Variants in HECTD4 observed in about 807,000 individuals in gnomAD.
HECTD4 encodes the protein probable E3 ubiquitin-protein ligase HECTD4.
HECTD4 carries 114 observed loss-of-function variants against 471.5 expected under a neutral mutation model. That is an observed-to-expected ratio of 0.24 (90% confidence interval 0.21 to 0.28). The LOEUF is 0.28. Ranked by LOEUF, HECTD4 falls within the 10% of genes least tolerant of loss-of-function variation. HECTD4 has a pLI of 1.00. For missense variants in HECTD4, 3,866 were observed against 5,651.5 expected (o/e 0.68, Z 10.13); for synonymous variants, 2,012 against 2,256.0 (o/e 0.89, Z 3.07).
chr12:112,224,024 T>G (rs1217453414), intron 44 of HECTD4, among the ~76,000 whole-genome samples: 1 of 152,154 alleles, frequency 6.6e-6, no homozygotes, highest in African/African-American at 2.4e-5. Flanking sequence ...GAAAATCAAA[T>G]AACTCTGTCT....
At position 112,179,690 on chromosome 12, in the gene HECTD4, G is replaced by A. The variant is rs1285232785; in HGVS notation, c.10988-293C>T. ...CCTACCTGGTTGCTCGGGGACGACA[G>A]GCCCCTCCCCGAGGGTGGGCACACC... On this transcript the variant is annotated intron_variant, in intron 62 of 75. Transcript: ENST00000682272. This position sits in a 1 kb window ranked among gnomAD's most constrained non-coding sequence, Gnocchi z 4.3. Among the ~76,000 whole-genome samples, 1 of 152,210 alleles carries A rather than the reference G, an allele frequency of 6.6e-6. No homozygotes were observed. The highest frequency in any genetic ancestry group is 1.5e-5 in the Non-Finnish European group (1 of 68,032).
At chr12:112,363,990 T>G (rs530570817) in intron 1 of HECTD4, among the ~76,000 whole-genome samples, 2 of 46,198 alleles carry the variant, frequency 4.3e-5, no homozygotes, top group East Asian at 1.4e-3. Flanking sequence ...AGACTCAATC[T>G]CCAAAAAAAA....
rs951678597 is a variant in HECTD4 at position 112,235,112 on chromosome 12, G to A, written c.5880C>T (p.Asp1960=). ...GCTGGAGGACTTCATGGGATGACTG[G>A]TCTTCCCGCTTGTGGATAAATATCG... ...KLSIFIHKRE[D]QSSHEVLQPL... Residue 1960 remains aspartate (D), a synonymous_variant, in exon 37 of 76, where the codon GAC becomes GAT. Coordinates refer to ENST00000682272, the MANE Select transcript of HECTD4 (RefSeq NM_001388303.1). This position sits in a 1 kb window ranked among gnomAD's most constrained non-coding sequence, Gnocchi z 5.0. 11 of 1,595,452 alleles carry A rather than the reference G, an allele frequency of 6.9e-6. No homozygotes were observed. Among genetic ancestry groups the A allele is most frequent in the Non-Finnish European group, 9.4e-6 (11 of 1,170,732 alleles).
chr12:112,282,122 G>A (rs1417948099), intron 8 of HECTD4, among the ~76,000 whole-genome samples: 5 of 152,076 alleles, frequency 3.3e-5, no homozygotes, highest in Non-Finnish European at 4.4e-5. Flanking sequence ...GGTGGCTCAC[G>A]CCTGTAATCC....
chr12:112,251,121 T>A lies in HECTD4; in HGVS notation c.3566A>T (p.Asp1189Val). ...CAGAAAGGGCAAGCCTCCTGAGACA[T>A]CCTCCGAAGACTCCTACAATGCAGA... ...CTVRAQESSE[D>V]VSGGLPFLVD... Residue 1189 changes from aspartate to valine, a missense_variant, in exon 24 of 76, where the codon GAT becomes GTT. Coordinates refer to ENST00000682272, the MANE Select transcript of HECTD4 (RefSeq NM_001388303.1). The A allele has an allele frequency of 6.2e-7, 1 of 1,613,704 alleles. No individual in the cohort carries two copies. Among genetic ancestry groups the A allele is most frequent in the Non-Finnish European group, 8.5e-7 (1 of 1,179,812 alleles).
chr12:112,173,685 C>T lies in HECTD4; in HGVS notation c.11595-824G>A, dbSNP rs184562165. Among the ~76,000 whole-genome samples the T allele has an allele frequency of 1.0e-3, 156 of 151,948 alleles. No homozygotes were observed. The highest frequency in any genetic ancestry group is 3.6e-3 in the African/African-American group (147 of 41,376). ...CTGCGATTACAGGCGTGAGCCAATG[C>T]GCCCGGCCAATTTTTAATTTTTTTT... On this transcript the variant is annotated intron_variant, in intron 66 of 75. Coordinates refer to ENST00000682272, the MANE Select transcript of HECTD4 (RefSeq NM_001388303.1). This position sits in a 1 kb window ranked among gnomAD's most constrained non-coding sequence, Gnocchi z 4.3.
At position 112,203,635 on chromosome 12, in the gene HECTD4, C is replaced by T; in HGVS notation, c.8406+1G>A. The T allele has an allele frequency of 6.2e-7, 1 of 1,612,186 alleles. No individual in the cohort carries two copies. The highest frequency in any genetic ancestry group is 8.5e-7 in the Non-Finnish European group (1 of 1,179,048). ...ATTAATCAGAATGGCTGTTCACTCA[C>T]TGAATCAACATCTAAGACGACTCCA... is the stretch of plus-strand genomic sequence containing the variant. On this transcript the variant is annotated splice_donor_variant, in intron 54 of 75. Coordinates refer to ENST00000682272, the MANE Select transcript of HECTD4 (RefSeq NM_001388303.1). LOFTEE classifies it high-confidence loss of function.
intron 2 of HECTD4, among the ~76,000 whole-genome samples, chr12:112,317,603 A>G (rs1313043318): frequency 6.6e-6 from 1 of 152,198 alleles, no homozygotes; most frequent in Admixed American, 6.5e-5. Context: ...CTGGAAAACA[A>G]AGGTAGTGAA....
chr12:112,332,611 C>T (rs1451657472), intron 1 of HECTD4, among the ~76,000 whole-genome samples: 1 of 151,290 alleles, frequency 6.6e-6, no homozygotes, highest in Non-Finnish European at 1.5e-5. Flanking sequence ...TAGGATATTG[C>T]CCTGGAATCT....
At chr12:112,335,662 T>C (rs2035943918) in intron 1 of HECTD4, among the ~76,000 whole-genome samples, 1 of 152,066 alleles carries the variant, frequency 6.6e-6, no homozygotes, top group Non-Finnish European at 1.5e-5. Flanking sequence ...CTCTCCAGTC[T>C]GGGTGACAGA....
chr12:112,371,536 T>A (rs1022790731), intron 1 of HECTD4, among the ~76,000 whole-genome samples: 7 of 149,980 alleles, frequency 4.7e-5, no homozygotes, highest in Non-Finnish European at 8.9e-5. Flanking sequence ...GATCACGCCA[T>A]TGCACTCCAG....
At position 112,167,801 on chromosome 12, in the gene HECTD4, G is replaced by A. The variant is rs769062643; in HGVS notation, c.12312+13C>T. On this transcript the variant is annotated intron_variant, in intron 71 of 75. Transcript: ENST00000682272. The stretch of plus-strand genomic sequence containing the variant: ...GCTCGGGGGCGTGGAGCCTCCTCCC[G>A]GCCTCTGCCTACCTTGTTCTTATTG... The A allele has an allele frequency of 6.2e-6, 10 of 1,608,796 alleles. No homozygotes were observed. The highest frequency in any genetic ancestry group is 5.3e-5 in the African/African-American group (4 of 74,948).
At chr12:112,237,131 G>C in intron 34 of HECTD4, 33 bp from the exon 35 acceptor site, 1 of 1,521,252 alleles carries the variant, frequency 6.6e-7, no homozygotes, top group Non-Finnish European at 8.8e-7. Flanking sequence ...AAAGAGATTG[G>C]TGAAAACTTA....
At chr12:112,367,433 A>T (rs2036585525) in intron 1 of HECTD4, among the ~76,000 whole-genome samples, 1 of 152,188 alleles carries the variant, frequency 6.6e-6, no homozygotes, top group Non-Finnish European at 1.5e-5. Context: ...CACAGATGCC[A>T]TGAATTCTAT....
intron 1 of HECTD4, among the ~76,000 whole-genome samples, chr12:112,355,439 C>T (rs968343586): frequency 1.5e-5 from 2 of 135,850 alleles, no homozygotes; most frequent in Admixed American, 7.3e-5. Context: ...CCAGCCTGGG[C>T]GACCGAGCAA....
At chr12:112,230,853 GC>G (rs1311963755) in intron 39 of HECTD4, 31 bp from the exon 40 acceptor site, 7 of 1,597,416 alleles carry the variant, frequency 4.4e-6, no homozygotes, top group Non-Finnish European at 6.0e-6. Context: ...AAGTGTCAGT[GC>G]CCAGTGATGG....
chr12:112,203,970 T>C (rs1447399210), intron 53 of HECTD4, among the ~76,000 whole-genome samples, 198 bp from the exon 54 acceptor site: 1 of 152,190 alleles, frequency 6.6e-6, no homozygotes, highest in Admixed American at 6.5e-5. Context: ...GAAGGTAATA[T>C]AATAGAACGT....
In HECTD4 at chr12:112,172,741, T is replaced by C; in HGVS notation, c.11715A>G (p.Ala3905=). The C allele has an allele frequency of 3.1e-6, 5 of 1,613,846 alleles. No individual in the cohort carries two copies. Among genetic ancestry groups the C allele is most frequent in the Non-Finnish European group, 4.2e-6 (5 of 1,179,860 alleles). The change falls in exon 67 of 76, where the codon GCA becomes GCG. Residue 3905 remains alanine, a synonymous_variant. Transcript: ENST00000682272. ...QLCRHLAITP[A]RLHPHEVYLD... ...GGTACACCTCATGGGGATGGAGCCG[T>C]GCGGGTGTGATGGCGAGGTGGCGGC...
intron 66 of HECTD4, among the ~76,000 whole-genome samples, chr12:112,175,223 G>A (rs1408858085): frequency 6.6e-6 from 1 of 152,146 alleles, no homozygotes; most frequent in Non-Finnish European, 1.5e-5. Flanking sequence ...TTGGAGACAG[G>A]GCCTTTAAAG....
Sources: allele counts gnomAD v4.1 joint callset (sites outside exome capture counted in the v4.1 genomes callset), GRCh38; gene constraint gnomAD v4.1.1; non-coding constraint Gnocchi (gnomAD v3.1); transcripts MANE v1.5; gene names NCBI Gene and HGNC (gene_info 2026-07-23, HGNC 2026-07-21).